Variants in RBFOX1 observed in about 807,000 individuals in gnomAD.
RBFOX1 encodes RNA binding fox-1 homolog 1.
Under a neutral mutation model 57.7 loss-of-function variants are expected in RBFOX1, and 8 were observed. The ratio of observed to expected loss-of-function variants is 0.14; its 90% CI spans 0.08 to 0.25. RBFOX1 has a LOEUF of 0.25. RBFOX1 is among the 10% of genes least tolerant of loss of function. The probability of loss-of-function intolerance (pLI) is 1.00; values close to 1 mark genes in which losing one functional copy is unlikely to be tolerated. For synonymous variants in RBFOX1, 326 were observed against 222.4 expected (o/e 1.47, Z -4.15); for missense variants, 611 against 548.5 (o/e 1.11, Z -1.14).
chr16:7,063,328 C>G (rs1396786752), intron 4 of RBFOX1, among the ~76,000 whole-genome samples: 3 of 152,060 alleles, frequency 2.0e-5, no homozygotes, highest in African/African-American at 7.2e-5. Flanking sequence ...CCCGTGCCCA[C>G]AGATAAAGGA....
chr16:5,767,393 C>T (rs907741533), intron 3 of RBFOX1, among the ~76,000 whole-genome samples: 14 of 152,154 alleles, frequency 9.2e-5, no homozygotes, highest in African/African-American at 1.9e-4. Context: ...AGAGAAACCA[C>T]GCTATGGGAG....
At chr16:6,975,866 C>A (rs952028428) in intron 3 of RBFOX1, among the ~76,000 whole-genome samples, 14 of 152,098 alleles carry the variant, frequency 9.2e-5, no homozygotes, top group African/African-American at 3.4e-4. Context: ...GTGGTGCACA[C>A]CTGTAATCGC....
chr16:5,658,120 G>T (rs2049514611), intron 3 of RBFOX1, among the ~76,000 whole-genome samples: 1 of 152,192 alleles, frequency 6.6e-6, no homozygotes, highest in Non-Finnish European at 1.5e-5. Flanking sequence ...CAAGTCAGTT[G>T]TTGAGCAAAG....
chr16:7,632,065 A>G (rs1415620804), intron 11 of RBFOX1, among the ~76,000 whole-genome samples: 2 of 151,572 alleles, frequency 1.3e-5, no homozygotes, highest in African/African-American at 2.4e-5. Context: ...ATGTACCACC[A>G]CTCCCACTGA....
At chr16:7,001,386 G>GTGTATGTGTATT (rs1223017084) in intron 3 of RBFOX1, among the ~76,000 whole-genome samples, 1 of 121,472 alleles carries the variant, frequency 8.2e-6, no homozygotes, top group East Asian at 2.4e-4. Context: ...GTATGTGTAT[G>GTGTATGTGTATT]TGTATGTGTA....
At chr16:5,887,482 A>C (rs898190407) in intron 4 of RBFOX1, among the ~76,000 whole-genome samples, 1 of 151,830 alleles carries the variant, frequency 6.6e-6, no homozygotes, top group African/African-American at 2.4e-5. Context: ...GCTAAGTGCA[A>C]CCTGCACCTG....
intron 1 of RBFOX1, among the ~76,000 whole-genome samples, chr16:6,163,313 T>C (rs2152748731): frequency 6.6e-6 from 1 of 152,274 alleles, no homozygotes; most frequent in Middle Eastern, 3.4e-3. Flanking sequence ...CACTTATTTT[T>C]TGAGAAATGA....
At chr16:7,371,470 C>T (rs1209147166) in intron 4 of RBFOX1, among the ~76,000 whole-genome samples, 1 of 152,156 alleles carries the variant, frequency 6.6e-6, no homozygotes, top group African/African-American at 2.4e-5. Flanking sequence ...ACATATATGG[C>T]CAGGTGCGGT....
chr16:5,990,088 C>T (rs187082105), intron 4 of RBFOX1, among the ~76,000 whole-genome samples: 1 of 152,148 alleles, frequency 6.6e-6, no homozygotes, highest in African/African-American at 2.4e-5. Context: ...TGGGTTCAAG[C>T]AATCCTTGCT....
intron 1 of RBFOX1, among the ~76,000 whole-genome samples, chr16:5,430,331 C>T (rs1009620535): frequency 3.9e-5 from 6 of 152,104 alleles, no homozygotes; most frequent in Admixed American, 6.5e-5. Context: ...TAGCTGGGAA[C>T]AGGCCAGTAG....
At chr16:6,509,370 C>T (rs1186498543) in intron 2 of RBFOX1, among the ~76,000 whole-genome samples, 1 of 152,150 alleles carries the variant, frequency 6.6e-6, no homozygotes, top group African/African-American at 2.4e-5. Flanking sequence ...GAATGAGATC[C>T]TGTCATTTGC....
chr16:6,687,553 T>G (rs1404503156), intron 3 of RBFOX1, among the ~76,000 whole-genome samples: 1 of 152,178 alleles, frequency 6.6e-6, no homozygotes, highest in Admixed American at 6.5e-5. Context: ...TATCTTGGTG[T>G]TTTATCACTT....
In RBFOX1 at chr16:6,970,207, A is replaced by G. The variant is rs535724719; in HGVS notation, c.-15-81850A>G. On this transcript the variant is annotated intron_variant, in intron 3 of 15. Transcript: ENST00000550418. ...AAAATAAAAAAGAAAGAAACAAAAA[A>G]CCCCAAAATCAAAAACCCATGAAAA... Among the ~76,000 whole-genome samples, 5 of 151,722 alleles carry G rather than the reference A, an allele frequency of 3.3e-5. No homozygotes were observed. The South Asian group carries it at 1.0e-3, about 32-fold the overall frequency.
At position 6,399,377 on chromosome 16, in the gene RBFOX1, C is replaced by T. The variant is rs192285252; in HGVS notation, c.-64+82320C>T. On this transcript the variant is annotated intron_variant, in intron 2 of 15. Transcript: ENST00000550418. ...ATGCGGATTTCTTCCACCAGATATGCGAAATCATGTCTCTCAAGGTCAAAG... is the reference window on the plus strand; with the variant it reads ...ATGCGGATTTCTTCCACCAGATATGTGAAATCATGTCTCTCAAGGTCAAAG... Among the ~76,000 whole-genome samples, 9 of 152,298 alleles carry T rather than the reference C, an allele frequency of 5.9e-5. No individual in the cohort carries two copies. In the South Asian group the frequency reaches 8.3e-4, roughly 14 times the overall value.
chr16:7,413,200 A>T (rs2098446575), intron 4 of RBFOX1, among the ~76,000 whole-genome samples: 1 of 152,100 alleles, frequency 6.6e-6, no homozygotes, highest in Admixed American at 6.6e-5. Flanking sequence ...TTCCCAGGAC[A>T]CACCATTGAG....
At chr16:5,957,963 C>A (rs1016336113) in intron 4 of RBFOX1, among the ~76,000 whole-genome samples, 4 of 152,154 alleles carry the variant, frequency 2.6e-5, no homozygotes, top group African/African-American at 9.7e-5. Context: ...CCCCCACCAT[C>A]CTCTCATTAC....
intron 3 of RBFOX1, among the ~76,000 whole-genome samples, chr16:5,711,414 A>T (rs1337306304): frequency 6.6e-6 from 1 of 152,218 alleles, no homozygotes. Context: ...ACCATTCAGG[A>T]TACCACCTTT....
chr16:6,557,581 G>A (rs2097123164), intron 2 of RBFOX1, among the ~76,000 whole-genome samples: 1 of 152,150 alleles, frequency 6.6e-6, no homozygotes, highest in African/African-American at 2.4e-5. Flanking sequence ...GTATTTCTGT[G>A]GGTGTTGCCG....
chr16:6,349,755 G>A (rs1290913313), intron 2 of RBFOX1, among the ~76,000 whole-genome samples: 1 of 152,178 alleles, frequency 6.6e-6, no homozygotes, highest in Non-Finnish European at 1.5e-5. Flanking sequence ...TGGGCTAATT[G>A]TCAAGTGGAG....
Sources: gnomAD v4.1 joint callset for allele counts (sites outside exome capture counted in the v4.1 genomes callset) on GRCh38, gnomAD v4.1.1 for gene constraint, MANE v1.5 for transcripts, NCBI Gene and HGNC (gene_info 2026-07-23, HGNC 2026-07-21) for gene names.